Variants in CNTNAP2 observed in about 807,000 individuals in gnomAD.
CNTNAP2 encodes the protein contactin-associated protein-like 2.
Under a neutral mutation model 155.2 loss-of-function variants are expected in CNTNAP2, and 98 were observed. The observed-to-expected ratio is 0.63, with a 90% CI of 0.54 to 0.75. The LOEUF is 0.75. CNTNAP2 is among the 30% of genes least tolerant of loss of function. CNTNAP2 has a pLI of 0.00. For synonymous variants in CNTNAP2, 651 were observed against 631.2 expected (o/e 1.03, Z -0.47); for missense variants, 1,727 against 1,688.1 (o/e 1.02, Z -0.40).
chr7:146,698,368 C>T (rs1162910970), intron 1 of CNTNAP2, among the ~76,000 whole-genome samples: 2 of 152,042 alleles, frequency 1.3e-5, no homozygotes, highest in Admixed American at 1.3e-4. Context: ...CTTCAAGTTT[C>T]ATTTTTCTGA....
chr7:148,398,161 G>T (rs1041072470), intron 22 of CNTNAP2, among the ~76,000 whole-genome samples: 1 of 152,128 alleles, frequency 6.6e-6, no homozygotes, highest in Admixed American at 6.5e-5. Context: ...CCTTCTAACC[G>T]CACAGTGGAG....
chr7:148,294,911 C>T (rs1207438006), intron 21 of CNTNAP2, among the ~76,000 whole-genome samples: 2 of 151,858 alleles, frequency 1.3e-5, no homozygotes, highest in Non-Finnish European at 2.9e-5. Flanking sequence ...ATTGTGTTAC[C>T]AACCAGCATT....
At chr7:147,816,749 A>C (rs1188445395) in intron 13 of CNTNAP2, among the ~76,000 whole-genome samples, 2 of 152,190 alleles carry the variant, frequency 1.3e-5, no homozygotes, top group African/African-American at 4.8e-5. Flanking sequence ...TTTTATGGAA[A>C]TATTGCAGTT....
At chr7:147,039,134 A>G (rs1799213368) in intron 3 of CNTNAP2, among the ~76,000 whole-genome samples, 1 of 152,190 alleles carries the variant, frequency 6.6e-6, no homozygotes. Context: ...ATATAACAAT[A>G]TGTACATATT....
chr7:147,811,800 T>A (rs1798183926), intron 13 of CNTNAP2, among the ~76,000 whole-genome samples: 1 of 152,232 alleles, frequency 6.6e-6, no homozygotes, highest in Non-Finnish European at 1.5e-5. Flanking sequence ...GTAAAAAAAA[T>A]TCTTGATTCT....
chr7:147,613,486 C>A (rs926956171), intron 12 of CNTNAP2, among the ~76,000 whole-genome samples: 1 of 152,130 alleles, frequency 6.6e-6, no homozygotes, highest in African/African-American at 2.4e-5. Flanking sequence ...TGAATTTTAA[C>A]AAAACCATAT....
chr7:147,170,682 C>G (rs1198147735), intron 8 of CNTNAP2, among the ~76,000 whole-genome samples: 1 of 152,166 alleles, frequency 6.6e-6, no homozygotes, highest in Admixed American at 6.5e-5. Flanking sequence ...CTCACGGCTC[C>G]CTCCTCTGGA....
intron 13 of CNTNAP2, among the ~76,000 whole-genome samples, chr7:147,651,441 T>A (rs568822944): frequency 1.3e-5 from 2 of 152,234 alleles, no homozygotes; most frequent in African/African-American, 4.8e-5. Flanking sequence ...CGTAGCTAAG[T>A]TGACAGATAA....
At chr7:147,777,042 G>T (rs1455782799) in intron 13 of CNTNAP2, among the ~76,000 whole-genome samples, 1 of 151,636 alleles carries the variant, frequency 6.6e-6, no homozygotes, top group African/African-American at 2.4e-5. Context: ...AAAATTTTTA[G>T]GTTAAGAATA....
intron 1 of CNTNAP2, among the ~76,000 whole-genome samples, chr7:146,552,210 C>T (rs1798133503): frequency 6.6e-6 from 1 of 152,056 alleles, no homozygotes; most frequent in Non-Finnish European, 1.5e-5. Flanking sequence ...TCCCACACGT[C>T]AGAAACAATA....
rs575707641 is a variant in CNTNAP2, at chr7:147,248,779, A to G, written c.1349-51362A>G. 6.6e-5 allele frequency among the ~76,000 whole-genome samples: 10 copies of G among 152,342 alleles called. No individual in the cohort carries two copies. The South Asian group carries it at 2.1e-3, about 32-fold the overall frequency. On this transcript the variant is annotated intron_variant, in intron 8 of 23. Coordinates refer to ENST00000361727, the MANE Select transcript of CNTNAP2 (RefSeq NM_014141.6). ...TACAGAAGATGAATTTTGAATGCCT[A>G]AGGTTTAAATTTAGATTTGATGGGA...
In CNTNAP2 at chr7:146,246,638, C is replaced by T. The variant is rs571158136; in HGVS notation, c.97+129665C>T. Among the ~76,000 whole-genome samples, 261 of 149,826 alleles carry T rather than the reference C, an allele frequency of 1.7e-3. 6 individuals are homozygous for T. The highest frequency in any genetic ancestry group is 6.1e-3 in the African/African-American group (240 of 39,242). On this transcript the variant is annotated intron_variant, in intron 1 of 23. Transcript: ENST00000361727. ...GGGGGCTTCCGAGGCGATCCGACAG[C>T]ATCAGTCTTCAGCCGCTAAGCCAAG...
At chr7:147,586,543 AAGGGAGGGAGGG>A (rs751000962) in intron 12 of CNTNAP2, among the ~76,000 whole-genome samples, 20 of 48,912 alleles carry the variant, frequency 4.1e-4, no homozygotes, top group South Asian at 1.2e-3. Context: ...GGAAGGAAGG[AAGGGAGGGAGGG>A]AGGGAGGGAG....
chr7:147,269,434 C>T (rs1405709920), intron 8 of CNTNAP2, among the ~76,000 whole-genome samples: 2 of 152,130 alleles, frequency 1.3e-5, no homozygotes, highest in African/African-American at 4.8e-5. Flanking sequence ...CTGTAACATA[C>T]AGACACAGCA....
At chr7:147,064,582 C>CCTTTCTT (rs1799744178) in intron 4 of CNTNAP2, among the ~76,000 whole-genome samples, 1 of 151,950 alleles carries the variant, frequency 6.6e-6, no homozygotes, top group East Asian at 1.9e-4. Flanking sequence ...GCACACACAC[C>CCTTTCTT]GCCTTTCTTT....
intron 3 of CNTNAP2, among the ~76,000 whole-genome samples, chr7:146,905,383 T>C (rs1796098026): frequency 1.3e-5 from 2 of 152,114 alleles, no homozygotes; most frequent in South Asian, 4.1e-4. Context: ...TCTCATCACC[T>C]CACCTTTAAT....
chr7:146,246,258 G>C (rs1015575503), intron 1 of CNTNAP2, among the ~76,000 whole-genome samples: 24 of 150,556 alleles, frequency 1.6e-4, no homozygotes, highest in Admixed American at 4.0e-4. Context: ...AGAGGAGGAC[G>C]CAAAGGAGGC....
chr7:147,769,261 C>T (rs1408211224), intron 13 of CNTNAP2, among the ~76,000 whole-genome samples: 2 of 152,060 alleles, frequency 1.3e-5, no homozygotes, highest in East Asian at 3.9e-4. Flanking sequence ...GTATACTTTC[C>T]AAAAGGTCAT....
intron 11 of CNTNAP2, among the ~76,000 whole-genome samples, chr7:147,539,976 T>C (rs1395354613): frequency 6.6e-6 from 1 of 152,160 alleles, no homozygotes; most frequent in Non-Finnish European, 1.5e-5. Context: ...AATTTGATCC[T>C]CTCTATAATT....
Sources: allele counts gnomAD v4.1 joint callset (sites outside exome capture counted in the v4.1 genomes callset), GRCh38; gene constraint gnomAD v4.1.1; transcripts MANE v1.5; gene names NCBI Gene and HGNC (gene_info 2026-07-23, HGNC 2026-07-21).